The following ANTXR1 variants were observed in gnomAD, a reference collection of about 807,000 sequenced individuals.
The protein encoded by ANTXR1 is anthrax toxin receptor 1.
In ANTXR1, 19 loss-of-function variants were observed where a neutral mutation model predicts 78.1. The observed-to-expected ratio is 0.24, with a 90% CI of 0.17 to 0.36. The LOEUF is 0.36. ANTXR1 is among the 10% of genes least tolerant of loss of function. The probability of loss-of-function intolerance (pLI) is 1.00; values close to 1 mark genes in which losing one functional copy is unlikely to be tolerated. For synonymous variants in ANTXR1, 273 were observed against 260.5 expected, an observed-to-expected ratio of 1.05 and a Z score of -0.46; for missense variants, 518 against 718.6, an observed-to-expected ratio of 0.72 and a Z score of 3.19.
chr2:69,205,288 T>A (rs1373929038), intron 17 of ANTXR1, among the ~76,000 whole-genome samples: 1 of 152,034 alleles, frequency 6.6e-6, no homozygotes, highest in African/African-American at 2.4e-5. Context: ...AGGAACAGCA[T>A]GTGTAAAAGG....
At chr2:69,096,778 C>T (rs1056474368) in intron 9 of ANTXR1, among the ~76,000 whole-genome samples, 5 of 152,196 alleles carry the variant, frequency 3.3e-5, no homozygotes, top group Admixed American at 1.3e-4. Context: ...GTATTTATTA[C>T]AAGTTAATGA....
intron 17 of ANTXR1, among the ~76,000 whole-genome samples, chr2:69,236,577 CAATAT>C (rs1384554144): frequency 6.6e-6 from 1 of 152,126 alleles, no homozygotes; most frequent in African/African-American, 2.4e-5. Context: ...GACAGTTTGA[CAATAT>C]ATTATCAAAA....
chr2:69,121,703 T>C (rs1409509851), intron 10 of ANTXR1, among the ~76,000 whole-genome samples: 2 of 152,254 alleles, frequency 1.3e-5, no homozygotes, highest in Non-Finnish European at 2.9e-5. Flanking sequence ...TAGGAACTTG[T>C]AGTCACAGCC....
rs1673161191 is a variant in ANTXR1 at position 69,144,420 on chromosome 2, C to T, written c.952-7749C>T. On this transcript the variant is annotated intron_variant, in intron 12 of 17. Transcript: ENST00000303714. ...ACCAGGTTAGTGGAACAGAGCTGCC[C>T]CCGCTAAAGGTCTCTTTCCCTTGAA... Among the ~76,000 whole-genome samples, 4 of 152,172 alleles carry T rather than the reference C, an allele frequency of 2.6e-5. No individual in the cohort carries two copies. The South Asian group carries it at 8.3e-4, about 32-fold the overall frequency.
intron 17 of ANTXR1, among the ~76,000 whole-genome samples, chr2:69,226,631 G>A (rs1195168837): frequency 6.6e-6 from 1 of 152,204 alleles, no homozygotes; most frequent in Non-Finnish European, 1.5e-5. Flanking sequence ...CCTGGTAAGG[G>A]TTTGTGCAAC....
intron 3 of ANTXR1, among the ~76,000 whole-genome samples, chr2:69,067,573 T>C (rs1670437419): frequency 6.6e-6 from 1 of 152,104 alleles, no homozygotes; most frequent in Non-Finnish European, 1.5e-5. Context: ...TATTTACTTT[T>C]AATGCCCAAG....
intron 9 of ANTXR1, among the ~76,000 whole-genome samples, chr2:69,101,648 C>A (rs997464936): frequency 6.6e-6 from 1 of 152,140 alleles, no homozygotes; most frequent in Non-Finnish European, 1.5e-5. Flanking sequence ...TATTAAGCTT[C>A]GAGAGTCCCA....
At chr2:69,085,505 G>A (rs1671024514) in intron 8 of ANTXR1, among the ~76,000 whole-genome samples, 1 of 152,076 alleles carries the variant, frequency 6.6e-6, no homozygotes, top group African/African-American at 2.4e-5. Context: ...ACTTATAGGG[G>A]GAAAGGGAGA....
chr2:69,103,281 G>T, intron 10 of ANTXR1: 1 of 381,578 alleles, frequency 2.6e-6, no homozygotes, highest in South Asian at 2.2e-5. Flanking sequence ...GCCATCTACC[G>T]AGTGGCTCAC....
chr2:69,078,058 G>C (rs555037021), intron 8 of ANTXR1, among the ~76,000 whole-genome samples: 101 of 152,328 alleles, frequency 6.6e-4, no homozygotes, highest in African/African-American at 2.2e-3. Context: ...ATGGGCTCCA[G>C]TGTTGTCCAG....
chr2:69,114,784 G>C (rs1558562532), intron 10 of ANTXR1, among the ~76,000 whole-genome samples: 2 of 152,158 alleles, frequency 1.3e-5, no homozygotes, highest in Non-Finnish European at 2.9e-5. Context: ...ACCCATTCAA[G>C]CCTGCAAGGA....
intron 3 of ANTXR1, among the ~76,000 whole-genome samples, chr2:69,068,328 G>C (rs528692729): frequency 6.6e-6 from 1 of 152,210 alleles, no homozygotes; most frequent in Admixed American, 6.5e-5. Flanking sequence ...TATCTTAAGT[G>C]CTATAAAGCA....
At chr2:69,150,086 G>A (rs184633608) in intron 12 of ANTXR1, among the ~76,000 whole-genome samples, 4 of 152,312 alleles carry the variant, frequency 2.6e-5, no homozygotes, top group African/African-American at 7.2e-5. Flanking sequence ...GGGACCAGAG[G>A]TGTTTAGTTC....
At chr2:69,044,850 A>G in intron 3 of ANTXR1, 37 bp downstream of exon 3, 3 of 1,600,156 alleles carry the variant, frequency 1.9e-6, no homozygotes, top group Non-Finnish European at 2.6e-6. Flanking sequence ...TAAAAAGTCC[A>G]TCACTTCCTG....
At chr2:69,243,913 G>T (rs1675949259) in intron 17 of ANTXR1, among the ~76,000 whole-genome samples, 1 of 152,204 alleles carries the variant, frequency 6.6e-6, no homozygotes, top group Non-Finnish European at 1.5e-5. Flanking sequence ...GCCAGAGAGA[G>T]AACAATAAGA....
At chr2:69,193,464 TACACACACACACA>T in intron 17 of ANTXR1, 49 bp downstream of exon 17, 3 of 1,073,652 alleles carry the variant, frequency 2.8e-6, no homozygotes, top group Non-Finnish European at 4.3e-6. Flanking sequence ...CTCTCTCACA[TACACACACACACA>T]CACACACACA....
intron 12 of ANTXR1, among the ~76,000 whole-genome samples, chr2:69,131,093 C>CAA (rs199952684): frequency 2.0e-5 from 3 of 151,374 alleles, no homozygotes; most frequent in South Asian, 2.1e-4. Context: ...TCTGTTGCCA[C>CAA]AAAAAAAAAT....
intron 12 of ANTXR1, among the ~76,000 whole-genome samples, chr2:69,126,498 G>A (rs1349493307): frequency 6.6e-6 from 1 of 152,106 alleles, no homozygotes; most frequent in Non-Finnish European, 1.5e-5. Context: ...CAACCTGCAG[G>A]AAATGATTAA....
chr2:69,138,028 G>A (rs1672963592), intron 12 of ANTXR1, among the ~76,000 whole-genome samples: 1 of 147,864 alleles, frequency 6.8e-6, no homozygotes, highest in African/African-American at 2.5e-5. Flanking sequence ...AGATTGCAAT[G>A]AGCCAAGATT....
Sources: gnomAD v4.1 joint callset for allele counts (sites outside exome capture counted in the v4.1 genomes callset) on GRCh38, gnomAD v4.1.1 for gene constraint, MANE v1.5 for transcripts, NCBI Gene and HGNC (gene_info 2026-07-23, HGNC 2026-07-21) for gene names.